The following ANKRD36C variants were observed in gnomAD, a reference collection of about 807,000 sequenced individuals.
The protein encoded by ANKRD36C is ankyrin repeat domain-containing protein 36C.
Under a neutral mutation model 276.4 loss-of-function variants are expected in ANKRD36C, and 61 were observed. That is an observed-to-expected ratio of 0.22 (90% CI 0.18 to 0.27). The LOEUF is 0.27. Ranked by LOEUF, ANKRD36C falls within the 10% of genes least tolerant of loss-of-function variation. The pLI is 1.00. For missense variants in ANKRD36C, 1,447 were observed against 2,032.3 expected (o/e 0.71, Z 5.54); for synonymous variants, 483 against 680.1 (o/e 0.71, Z 4.51).
rs1439214439 is a variant in ANKRD36C at position 95,980,801 on chromosome 2, G to A, written c.594-16C>T. ...GAGGGCTGATCTAAAATAACAGAGAGGTAATTAAAAACTTTAATGACATTT... is the reference window on the plus strand; with the variant it reads ...GAGGGCTGATCTAAAATAACAGAGAAGTAATTAAAAACTTTAATGACATTT... On this transcript the variant is annotated splice_polypyrimidine_tract_variant and intron_variant, in intron 4 of 66. Coordinates refer to ENST00000456556, the Ensembl canonical transcript of ANKRD36C. 7 of 1,561,706 alleles carry A rather than the reference G, an allele frequency of 4.5e-6. No homozygotes were observed. The highest frequency in any genetic ancestry group is 6.1e-6 in the Non-Finnish European group (7 of 1,151,316).
chr2:95,986,794 T>A, exon 3 of ANKRD36C: 1 of 1,611,982 alleles, frequency 6.2e-7, no homozygotes, highest in Non-Finnish European at 8.5e-7. Context: ...AAGAAGTTTT[T>A]CTATCATGGA....
At chr2:95,850,110 C>T (rs1675258813), downstream of ANKRD36C, among the ~76,000 whole-genome samples, 1 of 152,286 alleles carries the variant, frequency 6.6e-6, no homozygotes, top group Non-Finnish European at 1.5e-5. Context: ...AAAATATGTA[C>T]AATATGCAAT....
At chr2:95,918,547 G>T (rs1419768252) in intron 34 of ANKRD36C, among the ~76,000 whole-genome samples, 2 of 151,650 alleles carry the variant, frequency 1.3e-5, no homozygotes, top group Non-Finnish European at 3.0e-5. Flanking sequence ...CATCCCTTCA[G>T]TGGAAGTGTC....
At chr2:95,870,605 C>T (rs1029840972) in intron 59 of ANKRD36C, among the ~76,000 whole-genome samples, 59 of 152,214 alleles carry the variant, frequency 3.9e-4, no homozygotes, top group Middle Eastern at 3.4e-3. Flanking sequence ...AAAAGCAGAG[C>T]GCCTCTCCTC....
At position 95,902,927 on chromosome 2, in the gene ANKRD36C, T is replaced by C. The variant is rs1573752717; in HGVS notation, c.2654-3591A>G. ...TCCATACTTTTTTCCTCTGGCTATA[T>C]TCAAAAGAGAATCTTTCTCGTCTCT... On this transcript the variant is annotated intron_variant, in intron 42 of 66. Transcript: ENST00000456556. The C allele has an allele frequency of 4.4e-6, 7 of 1,589,656 alleles. No homozygotes were observed. The South Asian group carries it at 5.6e-5, about 13-fold the overall frequency.
chr2:95,916,294 T>C, intron 36 of ANKRD36C, 123 bp from the exon 39 acceptor site: 1 of 1,506,650 alleles, frequency 6.6e-7, no homozygotes, highest in Non-Finnish European at 9.0e-7. Context: ...TTTGATGGCT[T>C]CTACTTTGTG....
At chr2:95,857,543 T>C (rs1465401027) in intron 61 of ANKRD36C, 51 bp from the exon 82 acceptor site, 2 of 1,501,060 alleles carry the variant, frequency 1.3e-6, no homozygotes, top group African/African-American at 2.8e-5. Context: ...GACTAAGCTC[T>C]AATTTTTTAT....
intron 62 of ANKRD36C, among the ~76,000 whole-genome samples, chr2:95,856,817 C>T (rs546901366): frequency 3.8e-4 from 58 of 152,230 alleles, no homozygotes; most frequent in Middle Eastern, 3.4e-3. Flanking sequence ...TTTTTCCCAG[C>T]TTTTCTGACT....
intron 44 of ANKRD36C, among the ~76,000 whole-genome samples, chr2:95,894,524 G>A (rs144696546): frequency 0.014 from 2,122 of 151,466 alleles, 27 homozygotes; most frequent in Non-Finnish European, 0.022. Flanking sequence ...CATTGAAAAT[G>A]ATCACTCTAG....
chr2:95,971,678 T>C (rs1453379350), intron 6 of ANKRD36C, among the ~76,000 whole-genome samples: 1 of 152,104 alleles, frequency 6.6e-6, no homozygotes, highest in South Asian at 2.1e-4. Flanking sequence ...AGAAAATAAC[T>C]GATAAATGAT....
chr2:95,875,717 T>C (rs1054112308), intron 59 of ANKRD36C, among the ~76,000 whole-genome samples: 1 of 152,162 alleles, frequency 6.6e-6, no homozygotes, highest in African/African-American at 2.4e-5. Context: ...AATTCTTACA[T>C]TTTAATGCAA....
At chr2:95,941,080 A>T in intron 20 of ANKRD36C, 80 bp downstream of exon 20, 2 of 441,124 alleles carry the variant, frequency 4.5e-6, no homozygotes, top group Non-Finnish European at 3.5e-6. Flanking sequence ...CTACCTCACC[A>T]CCTTTGTTTC....
intron 28 of ANKRD36C, among the ~76,000 whole-genome samples, chr2:95,926,757 T>C (rs1677413038): frequency 6.6e-6 from 1 of 151,610 alleles, no homozygotes; most frequent in Non-Finnish European, 1.5e-5. Context: ...CCTTCCTGCC[T>C]GACAATCCTC....
intron 16 of ANKRD36C, 144 bp from the exon 17 acceptor site, chr2:95,948,740 A>T (rs938571024): frequency 1.5e-6 from 1 of 673,608 alleles, no homozygotes; most frequent in African/African-American, 1.8e-5. Context: ...ATATTAAATA[A>T]TATTTCTTGG....
At chr2:95,964,780 T>C (rs4544484) in intron 6 of ANKRD36C, among the ~76,000 whole-genome samples, 49,162 of 151,760 alleles carry the variant, frequency 0.32, 8,339 homozygotes, top group South Asian at 0.47. Flanking sequence ...CCTATTTTCC[T>C]CTCCAGCAGA....
At chr2:95,916,528 G>A (rs1302489642) in intron 36 of ANKRD36C, among the ~76,000 whole-genome samples, 14 of 151,648 alleles carry the variant, frequency 9.2e-5, no homozygotes, top group Non-Finnish European at 7.4e-5. Flanking sequence ...CAGGTGCTAC[G>A]TGATCCCACA....
intron 58 of ANKRD36C, 119 bp downstream of exon 78, chr2:95,880,308 T>C: frequency 8.9e-7 from 1 of 1,120,460 alleles, no homozygotes; most frequent in Non-Finnish European, 1.3e-6. Context: ...CTGCATTATT[T>C]AGATGAAATC....
rs373526729 is a variant in ANKRD36C at position 95,984,263 on chromosome 2, G to A, written c.487-1901C>T. 4.6e-5 allele frequency among the ~76,000 whole-genome samples: 7 copies of A among 151,794 alleles called. No individual in the cohort carries two copies. The South Asian group carries it at 1.5e-3, about 32-fold the overall frequency. ...AAGGGAGATGACCTGAGGAAGTGAA[G>A]TACCTAGGTAGGCACAGTAGCAAAA... On this transcript the variant is annotated intron_variant, in intron 3 of 66. Coordinates refer to ENST00000456556, the Ensembl canonical transcript of ANKRD36C.
chr2:95,880,719 C>T (rs1676058125), intron 56 of ANKRD36C, 96 bp from the exon 77 acceptor site: 4 of 1,423,714 alleles, frequency 2.8e-6, no homozygotes, highest in African/African-American at 1.4e-5. Context: ...AATACTCTTG[C>T]CTGTATTAGT....
Sources: allele counts gnomAD v4.1 joint callset (sites outside exome capture counted in the v4.1 genomes callset), GRCh38; gene constraint gnomAD v4.1.1; transcripts MANE v1.5; gene names NCBI Gene and HGNC (gene_info 2026-07-23, HGNC 2026-07-21).